CR2: variants seen among roughly 807,000 people sequenced by gnomAD.
CR2 encodes complement receptor type 2.
In CR2, 96 loss-of-function variants were observed where a neutral mutation model predicts 123.0. The observed-to-expected ratio is 0.78, with a 90% CI of 0.66 to 0.93. CR2 has a LOEUF of 0.93. Ranked by LOEUF, CR2 falls within the 40% of genes least tolerant of loss-of-function variation. The pLI is 0.00. For missense variants in CR2, 1,258 were observed against 1,361.0 expected, an observed-to-expected ratio of 0.92 and a Z score of 1.19; for synonymous variants, 484 against 469.5, an observed-to-expected ratio of 1.03 and a Z score of -0.40.
rs543756112 is a variant in CR2 at position 207,457,172 on chromosome 1, G to T, written c.58+2696G>T. On this transcript the variant is annotated intron_variant, in intron 1 of 19. Transcript: ENST00000367057. ...TTCCATGAGTGCAAGACCTTAATCT[G>T]CCTTATTTCCTGATTTGAGTTCCTA... 2.6e-5 allele frequency among the ~76,000 whole-genome samples: 4 copies of T among 152,274 alleles called. No individual in the cohort carries two copies. The East Asian group carries it at 7.7e-4, about 29-fold the overall frequency.
intron 16 of CR2, among the ~76,000 whole-genome samples, chr1:207,478,634 A>C (rs1658515018): frequency 6.6e-6 from 1 of 151,990 alleles, no homozygotes; most frequent in Non-Finnish European, 1.5e-5. Context: ...AGAAAAGAAA[A>C]TAGAAACACT....
At chr1:207,459,191 T>C (rs913122934) in intron 1 of CR2, among the ~76,000 whole-genome samples, 1 of 152,186 alleles carries the variant, frequency 6.6e-6, no homozygotes, top group African/African-American at 2.4e-5. Flanking sequence ...GATGTTCTTG[T>C]AGGGTTGCAG....
chr1:207,477,147 G>T (rs1189493324), intron 15 of CR2, among the ~76,000 whole-genome samples: 1 of 152,160 alleles, frequency 6.6e-6, no homozygotes, highest in Non-Finnish European at 1.5e-5. Context: ...TCTGAAACTG[G>T]GTAATTTATA....
Position 207,472,937 on chromosome 1 carries a change from A to G in CR2, c.1736A>G (p.Asn579Ser), listed in dbSNP as rs781539418. Residue 579 changes from asparagine to serine, a missense_variant, in exon 10 of 20, where the codon AAT becomes AGT. Transcript: ENST00000367057. ...IGESTIRCTS[N>S]DQERGTWSGP... The stretch of plus-strand genomic sequence containing the variant: ...GAGAGCACCATCCGTTGTACAAGCA[A>G]TGATCAAGAAAGAGGCACCTGGAGT... The G allele has an allele frequency of 3.7e-6, 6 of 1,613,934 alleles. No homozygotes were observed. Among genetic ancestry groups the G allele is most frequent in the African/African-American group, 2.7e-5 (2 of 74,910 alleles).
At chr1:207,477,534 A>G (rs555117039) in intron 15 of CR2, among the ~76,000 whole-genome samples, 36 of 152,340 alleles carry the variant, frequency 2.4e-4, no homozygotes, top group Admixed American at 6.5e-4. Context: ...AGAATTAGAG[A>G]GTAAAACTAG....
intron 1 of CR2, 88 bp from the exon 2 acceptor site, chr1:207,466,438 T>C (rs560831473): frequency 1.1e-5 from 16 of 1,459,610 alleles, no homozygotes; most frequent in Middle Eastern, 1.8e-4. Context: ...GAAAAAGTTA[T>C]GTGATCTATA....
At position 207,459,181 on chromosome 1, in the gene CR2, G is replaced by C. The variant is rs142880184; in HGVS notation, c.58+4705G>C. Among the ~76,000 whole-genome samples, 710 of 152,302 alleles carry C rather than the reference G, an allele frequency of 4.7e-3. 3 individuals are homozygous for C. Among genetic ancestry groups the C allele is most frequent in the African/African-American group, 0.012 (512 of 41,580 alleles). On this transcript the variant is annotated intron_variant, in intron 1 of 19. Transcript: ENST00000367057. ...AGGTTATACAGGCAGATGCCGGAAG[G>C]ATGTTCTTGTAGGGTTGCAGTGGCT...
At position 207,456,169 on chromosome 1, in the gene CR2, G is replaced by C. The variant is rs311303; in HGVS notation, c.58+1693G>C. Among the ~76,000 whole-genome samples, 9 of 152,046 alleles carry C rather than the reference G, an allele frequency of 5.9e-5. No homozygotes were observed. In the South Asian group the frequency reaches 1.9e-3, roughly 32 times the overall value. ...CAGCCTTTCTAGCCCTTTGGAATGG[G>C]ATCTCACCGAAGCTCACACCCCCTG... On this transcript the variant is annotated intron_variant, in intron 1 of 19. Coordinates refer to ENST00000367057, the MANE Select transcript of CR2 (RefSeq NM_001006658.3).
intron 1 of CR2, among the ~76,000 whole-genome samples, chr1:207,466,148 A>G (rs978459200): frequency 6.6e-6 from 1 of 152,198 alleles, no homozygotes; most frequent in Non-Finnish European, 1.5e-5. Context: ...GGGAGTTGAA[A>G]CTAGGTCCAC....
At chr1:207,467,984 TTAAG>T (rs67948515) in intron 2 of CR2, among the ~76,000 whole-genome samples, 3,202 of 152,272 alleles carry the variant, frequency 0.021, 131 homozygotes, top group African/African-American at 0.073. Flanking sequence ...GAGAATAAGC[TTAAG>T]GATAGGGTGA....
chr1:207,460,640 GC>G (rs1657942698), intron 1 of CR2, among the ~76,000 whole-genome samples: 1 of 152,108 alleles, frequency 6.6e-6, no homozygotes, highest in South Asian at 2.1e-4. Flanking sequence ...TCAGTTTAGG[GC>G]GTTGAAACTT....
chr1:207,471,357 GC>G (rs1658274775), intron 8 of CR2, 65 bp from the exon 9 acceptor site: 2 of 1,241,312 alleles, frequency 1.6e-6, no homozygotes, highest in African/African-American at 3.0e-5. Context: ...CTGCTTGGGA[GC>G]CATGGCTCTT....
chr1:207,469,985 A>G lies in CR2; in HGVS notation c.1108A>G (p.Thr370Ala), dbSNP rs760589448. ...RMVSGQKDRY[T>A]YNDTVIFACM... ...GGTATCTGGGCAGAAAGATCGATAT[A>G]CCTATAACGACACTGTGATATTTGC... Residue 370 changes from threonine (T) to alanine (A), a missense_variant, in exon 6 of 20, where the codon ACC (threonine) becomes GCC (alanine). By Grantham distance (58) the Thr-to-Ala change is moderately conservative. Transcript: ENST00000367057. 3.7e-6 allele frequency: 6 copies of G among 1,613,926 alleles called. No individual in the cohort carries two copies. The highest frequency in any genetic ancestry group is 4.2e-6 in the Non-Finnish European group (5 of 1,179,920).
In CR2 at chr1:207,454,430, G is replaced by A. The variant is rs1478924012; in HGVS notation, c.12G>A (p.Ala4=). The change falls in exon 1 of 20, where the codon GCG becomes GCA. Residue 4 remains alanine, a synonymous_variant. Coordinates refer to ENST00000367057, the MANE Select transcript of CR2 (RefSeq NM_001006658.3). The surrounding 1 kb of genome is among the most constrained non-coding windows in gnomAD (Gnocchi z 4.3). ...GCTTCGGCCGTGGCATGGGCGCCGC[G>A]GGCCTGCTCGGGGTTTTCTTGGCTC... MGA[A]GLLGVFLALV... The A allele has an allele frequency of 2.2e-5, 35 of 1,583,948 alleles. No individual in the cohort carries two copies. The highest frequency in any genetic ancestry group is 2.8e-5 in the Non-Finnish European group (33 of 1,171,840).
chr1:207,468,496 G>T, intron 2 of CR2, 31 bp from the exon 3 acceptor site: 1 of 1,611,458 alleles, frequency 6.2e-7, no homozygotes, highest in Non-Finnish European at 8.5e-7. Flanking sequence ...ATCATCTGAC[G>T]GCTTTTTTTT....
At chr1:207,482,207 T>G (rs1022117410) in intron 18 of CR2, among the ~76,000 whole-genome samples, 1 of 152,200 alleles carries the variant, frequency 6.6e-6, no homozygotes, top group Non-Finnish European at 1.5e-5. Context: ...TTCCCTTCTT[T>G]AAGCATATTT....
At chr1:207,483,315 A>C (rs914824238) in intron 18 of CR2, among the ~76,000 whole-genome samples, 8 of 152,192 alleles carry the variant, frequency 5.3e-5, no homozygotes, top group Non-Finnish European at 8.8e-5. Flanking sequence ...GAATAGGCTC[A>C]GACATGAAGG....
intron 1 of CR2, among the ~76,000 whole-genome samples, chr1:207,461,896 T>G (rs576146189): frequency 6.6e-6 from 1 of 152,242 alleles, no homozygotes; most frequent in East Asian, 1.9e-4. Flanking sequence ...ACATGTCATC[T>G]CAAGTGAAGA....
rs778207648 is a variant in CR2 at position 207,469,857 on chromosome 1, T to C, written c.980T>C (p.Val327Ala). The change falls in exon 6 of 20, where the codon GTT becomes GCT. Residue 327 changes from valine to alanine, a missense_variant. Val to Ala is a moderately conservative substitution (Grantham distance 64). Coordinates refer to ENST00000367057, the MANE Select transcript of CR2 (RefSeq NM_001006658.3). ...LIGESTLRCT[V>A]DSQKTGTWSG... ...GGAGAGAGCACTCTCCGTTGTACAG[T>C]TGATAGTCAGAAGACTGGGACCTGG... is the stretch of plus-strand genomic sequence containing the variant. 4.3e-5 allele frequency: 70 copies of C among 1,613,800 alleles called. No homozygotes were observed. The highest frequency in any genetic ancestry group is 5.8e-5 in the Non-Finnish European group (68 of 1,179,946).
Sources: gnomAD v4.1 joint callset for allele counts (sites outside exome capture counted in the v4.1 genomes callset) on GRCh38, gnomAD v4.1.1 for gene constraint, Gnocchi (gnomAD v3.1) non-coding constraint, MANE v1.5 for transcripts, NCBI Gene and HGNC (gene_info 2026-07-23, HGNC 2026-07-21) for gene names.